CDH12: variants seen among roughly 807,000 people sequenced by gnomAD.
The protein encoded by CDH12 is cadherin 12.
In CDH12, 41 loss-of-function variants were observed where a neutral mutation model predicts 74.1. The ratio of observed to expected loss-of-function variants is 0.55; its 90% confidence interval spans 0.43 to 0.72. The LOEUF is 0.72. Ranked by LOEUF, CDH12 falls within the 30% of genes least tolerant of loss-of-function variation. The pLI, the probability that CDH12 is intolerant of heterozygous loss-of-function variation, is 0.00. For synonymous variants in CDH12, 399 were observed against 355.0 expected (o/e 1.12, Z -1.39); for missense variants, 945 against 977.2 (o/e 0.97, Z 0.44).
chr5:22,301,063 T>TA (rs11411987), intron 3 of CDH12, among the ~76,000 whole-genome samples: 151,286 of 152,222 alleles, frequency 0.99, 75,191 homozygotes, highest in Middle Eastern at 1. Context: ...GTGAAGGTAT[T>TA]AAAAATTGTG....
chr5:22,568,098 C>A (rs760286323), intron 1 of CDH12, among the ~76,000 whole-genome samples: 7 of 152,146 alleles, frequency 4.6e-5, no homozygotes, highest in Non-Finnish European at 1.0e-4. Context: ...TACTAAGGCA[C>A]TGGAAAACCT....
intron 11 of CDH12, among the ~76,000 whole-genome samples, chr5:21,766,342 C>G (rs747530005): frequency 4.1e-4 from 62 of 151,884 alleles, no homozygotes; most frequent in Admixed American, 1.1e-3. Flanking sequence ...TCTTATAATA[C>G]CAGGCGTGCT....
intron 1 of CDH12, among the ~76,000 whole-genome samples, chr5:22,567,627 T>C (rs888320829): frequency 6.8e-6 from 1 of 146,372 alleles, no homozygotes; most frequent in African/African-American, 2.5e-5. Context: ...GTCTCTTTTG[T>C]TATAATAATC....
chr5:22,431,896 T>G (rs2126521938), intron 2 of CDH12, among the ~76,000 whole-genome samples: 1 of 152,278 alleles, frequency 6.6e-6, no homozygotes, highest in East Asian at 1.9e-4. Flanking sequence ...AAAAATAAAT[T>G]TTATAAAGTA....
intron 2 of CDH12, among the ~76,000 whole-genome samples, chr5:22,406,671 C>A (rs775359321): frequency 6.6e-6 from 1 of 151,984 alleles, no homozygotes; most frequent in Non-Finnish European, 1.5e-5. Flanking sequence ...AGAGAATATT[C>A]TGAACAAAGC....
chr5:22,116,747 A>G (rs1745137496), intron 4 of CDH12, among the ~76,000 whole-genome samples: 1 of 152,114 alleles, frequency 6.6e-6, no homozygotes, highest in African/African-American at 2.4e-5. Context: ...ACTTCTGTAT[A>G]TAATAAATGG....
intron 8 of CDH12, among the ~76,000 whole-genome samples, chr5:21,817,567 A>G (rs1236099093): frequency 6.6e-6 from 1 of 152,030 alleles, no homozygotes; most frequent in African/African-American, 2.4e-5. Flanking sequence ...TGATAGATAT[A>G]TAGATATAGA....
intron 5 of CDH12, among the ~76,000 whole-genome samples, chr5:22,015,664 T>C (rs1473959288): frequency 6.6e-6 from 1 of 152,170 alleles, no homozygotes; most frequent in Non-Finnish European, 1.5e-5. Flanking sequence ...TACCTAATCA[T>C]GATATAATGT....
intron 5 of CDH12, among the ~76,000 whole-genome samples, chr5:22,014,214 G>A (rs1737464931): frequency 6.6e-6 from 1 of 152,126 alleles, no homozygotes; most frequent in African/African-American, 2.4e-5. Context: ...CTGGGTGACA[G>A]AGCAAGACTC....
intron 3 of CDH12, among the ~76,000 whole-genome samples, chr5:22,230,530 G>C (rs1450933163): frequency 1.3e-5 from 2 of 148,398 alleles, no homozygotes; most frequent in Admixed American, 1.4e-4. Flanking sequence ...GGAGTGCAGT[G>C]GCATGATCTT....
intron 3 of CDH12, among the ~76,000 whole-genome samples, chr5:22,318,711 G>T (rs1738733277): frequency 6.6e-6 from 1 of 152,170 alleles, no homozygotes; most frequent in Non-Finnish European, 1.5e-5. Flanking sequence ...TTTGCCTTTA[G>T]AAAGAGTCTC....
intron 1 of CDH12, among the ~76,000 whole-genome samples, chr5:22,834,098 T>G (rs1736725419): frequency 1.3e-5 from 2 of 152,206 alleles, no homozygotes; most frequent in Admixed American, 1.3e-4. Context: ...TTGTTGTGTC[T>G]ATTGCACTTT....
intron 1 of CDH12, among the ~76,000 whole-genome samples, chr5:22,830,255 G>T (rs987268385): frequency 1.3e-5 from 2 of 152,010 alleles, no homozygotes; most frequent in African/African-American, 4.8e-5. Flanking sequence ...TTTAAGAAAA[G>T]TTTTGTTTAA....
chr5:22,521,674 T>C (rs931704721), intron 1 of CDH12, among the ~76,000 whole-genome samples: 3 of 152,180 alleles, frequency 2.0e-5, no homozygotes, highest in African/African-American at 4.8e-5. Flanking sequence ...AGACACTAAA[T>C]ATTTTAGGCT....
intron 1 of CDH12, among the ~76,000 whole-genome samples, chr5:22,805,516 G>T (rs1476011843): frequency 6.6e-6 from 1 of 151,800 alleles, no homozygotes; most frequent in Non-Finnish European, 1.5e-5. Flanking sequence ...TTAAACCTGA[G>T]TTTGAGTATA....
rs538725511 is a variant in CDH12 at position 22,155,628 on chromosome 5, A to G, written c.-187+56870T>C. On this transcript the variant is annotated intron_variant, in intron 4 of 14. Transcript: ENST00000382254. ...GGGTTATTGGAATAGATCATTGAAC[A>G]TATATGTTTTAAAGTACTTAAAAAT... Among the ~76,000 whole-genome samples the G allele has an allele frequency of 2.6e-5, 4 of 152,268 alleles. No individual in the cohort carries two copies. In the East Asian group the frequency reaches 7.7e-4, roughly 29 times the overall value.
chr5:22,773,008 CACAA>C (rs1436028486), intron 1 of CDH12, among the ~76,000 whole-genome samples: 1 of 151,900 alleles, frequency 6.6e-6, no homozygotes, highest in African/African-American at 2.4e-5. Context: ...TCATGGATGA[CACAA>C]ACAAATAGAA....
In CDH12 at chr5:22,640,843, A is replaced by AC. The variant is rs553324257; in HGVS notation, c.-522-135480dup. 3.6e-3 allele frequency among the ~76,000 whole-genome samples: 551 copies of AC among 152,282 alleles called. 1 individual carries two copies. Among genetic ancestry groups the AC allele is most frequent in the African/African-American group, 0.01 (424 of 41,558 alleles). On this transcript the variant is annotated intron_variant, in intron 1 of 14. Transcript: ENST00000382254. ...GAGTTTCCCTGCTTATTCTCTGGTCACTATTCATACGATTCTCTACCAGCC... is the reference window on the plus strand; with the variant it reads ...GAGTTTCCCTGCTTATTCTCTGGTCACCTATTCATACGATTCTCTACCAGCC...
Position 22,130,117 on chromosome 5 carries a change from A to C in CDH12, c.-186-51255T>G, listed in dbSNP as rs569668080. On this transcript the variant is annotated intron_variant, in intron 4 of 14. Transcript: ENST00000382254. Reference sequence around the variant, plus strand: ...TGCCAGTTGGACTAGACCTCACAAAAATACTCAAAATAAGTATGCAGAACG... The same window carrying C: ...TGCCAGTTGGACTAGACCTCACAAACATACTCAAAATAAGTATGCAGAACG... Among the ~76,000 whole-genome samples the C allele has an allele frequency of 1.2e-3, 184 of 150,494 alleles. 1 individual carries two copies. The highest frequency in any genetic ancestry group is 2.7e-3 in the Admixed American group (41 of 14,994).
Sources: allele counts gnomAD v4.1 joint callset (sites outside exome capture counted in the v4.1 genomes callset), GRCh38; gene constraint gnomAD v4.1.1; transcripts MANE v1.5; gene names NCBI Gene and HGNC (gene_info 2026-07-23, HGNC 2026-07-21).